The following TRRAP variants were observed in gnomAD, a reference collection of about 807,000 sequenced individuals.
TRRAP encodes the protein transformation/transcription domain associated protein.
TRRAP carries 41 observed loss-of-function variants against 438.8 expected under a neutral mutation model. That is an observed-to-expected ratio of 0.09 (90% confidence interval 0.07 to 0.12). The LOEUF (loss-of-function observed/expected upper bound fraction) is 0.12. Ranked by LOEUF, TRRAP falls within the 10% of genes least tolerant of loss-of-function variation. The probability of loss-of-function intolerance (pLI) is 1.00; values close to 1 mark genes in which losing one functional copy is unlikely to be tolerated. For missense variants in TRRAP, 3,122 were observed against 5,055.1 expected (o/e 0.62, Z 11.60); for synonymous variants, 1,994 against 1,962.9 (o/e 1.02, Z -0.42).
chr7:98,881,230 C>T lies in TRRAP; in HGVS notation c.80C>T (p.Ala27Val). Reference protein sequence around the residue: ...LMKKYLQFVAALTDVNTPDET... With the variant: ...LMKKYLQFVAVLTDVNTPDET... ...AAAAAGTACCTTCAGTTTGTGGCAGCTCTCACAGATGTGAATACACGTGAG... is the reference window on the plus strand; with the variant it reads ...AAAAAGTACCTTCAGTTTGTGGCAGTTCTCACAGATGTGAATACACGTGAG... Residue 27 changes from alanine (A) to valine (V), a missense_variant, in exon 2 of 73, where the codon GCT (alanine) becomes GTT (valine). Coordinates refer to ENST00000456197, the MANE Select transcript of TRRAP (RefSeq NM_001375524.1). 6.2e-7 allele frequency: 1 copy of T among 1,609,548 alleles called. No homozygotes were observed. The highest frequency in any genetic ancestry group is 2.2e-5 in the East Asian group (1 of 44,618).
chr7:98,999,257 G>A lies in TRRAP; in HGVS notation c.10309+4409G>A, dbSNP rs115127527. The A allele has an allele frequency of 7.7e-4, 914 of 1,180,832 alleles. 5 individuals are homozygous for A. In the African/African-American group the frequency reaches 0.012, roughly 15 times the overall value. 73.1% of individuals were successfully genotyped at this position (1,180,832 alleles called of 1,614,324 possible). On this transcript the variant is annotated intron_variant, in intron 67 of 72. Coordinates refer to ENST00000456197, the MANE Select transcript of TRRAP (RefSeq NM_001375524.1). ...ACATGCATTCACTGCCCAGCTTCTC[G>A]CAGAAACAGATGTCGTACAGGAACA...
Position 98,900,868 on chromosome 7 carries a change from A to G in TRRAP, c.897+148A>G, listed in dbSNP as rs141760568. 330 of 652,826 alleles carry G rather than the reference A, an allele frequency of 5.1e-4. 1 individual carries two copies. Among genetic ancestry groups the G allele is most frequent in the African/African-American group, 4.9e-3 (266 of 54,470 alleles). 40.4% of individuals were successfully genotyped at this position (652,826 alleles called of 1,614,324 possible). On this transcript the variant is annotated intron_variant, in intron 11 of 72. Coordinates refer to ENST00000456197, the MANE Select transcript of TRRAP (RefSeq NM_001375524.1). ...ATACGGTACATTTCCATCAACCTCC[A>G]AAATTCCATTGTTATATATTTGTTG...
chr7:98,996,551 A>C (rs1793669544), intron 67 of TRRAP, among the ~76,000 whole-genome samples: 2 of 152,248 alleles, frequency 1.3e-5, no homozygotes. Context: ...GAAAGATTAA[A>C]TCATTCACAT....
In TRRAP at chr7:98,961,494, G is replaced by A. The variant is rs553127489; in HGVS notation, c.6703+20G>A. 72 of 1,609,498 alleles carry A rather than the reference G, an allele frequency of 4.5e-5. No homozygotes were observed. In the East Asian group the frequency reaches 8.7e-4, roughly 19 times the overall value. ...AGCCGAGTATGTGACCTTTCCCACC[G>A]GTGCTTTTCTTTCAAAGTGGACGGT... is the stretch of plus-strand genomic sequence containing the variant. On this transcript the variant is annotated intron_variant, in intron 46 of 72. Transcript: ENST00000456197.
In TRRAP at chr7:98,953,277, C is replaced by G; in HGVS notation, c.5574C>G (p.Asn1858Lys). The stretch of plus-strand genomic sequence containing the variant: ...CCCCCCACCACATCCATGACAACAA[C>G]AAGAACCGCAACAGCAAGCTGCGCC... The part of the protein sequence containing the change: ...EHAPHHIHDN[N>K]KNRNSKLRRL... The change falls in exon 40 of 73, where the codon AAC (asparagine) becomes AAG (lysine). Residue 1858 changes from asparagine (N) to lysine (K), a missense_variant. This residue lies in a region of TRRAP where 272 missense variants were observed against 348.5 expected (regional missense o/e 0.78). Coordinates refer to ENST00000456197, the MANE Select transcript of TRRAP (RefSeq NM_001375524.1). 2.5e-6 allele frequency: 4 copies of G among 1,613,944 alleles called. No individual in the cohort carries two copies. Among genetic ancestry groups the G allele is most frequent in the Non-Finnish European group, 3.4e-6 (4 of 1,180,024 alleles).
chr7:99,008,660 T>C (rs1369563801), intron 70 of TRRAP, 99 bp downstream of exon 70: 14 of 1,300,664 alleles, frequency 1.1e-5, no homozygotes, highest in Middle Eastern at 2.0e-4. Flanking sequence ...GAACAGGCAT[T>C]TGTTGGGGGC....
At chr7:98,929,721 G>C (rs1790233976) in intron 23 of TRRAP, among the ~76,000 whole-genome samples, 1 of 152,010 alleles carries the variant, frequency 6.6e-6, no homozygotes, top group South Asian at 2.1e-4. Flanking sequence ...AGCCTCCTGA[G>C]TAGCTGGGAT....
chr7:98,964,909 C>A (rs1792082529), intron 48 of TRRAP, 134 bp downstream of exon 48: 3 of 1,152,928 alleles, frequency 2.6e-6, no homozygotes, highest in African/African-American at 1.6e-5. Flanking sequence ...TAAATCGTTA[C>A]CATTTGCTCT....
chr7:98,953,105 G>T, intron 39 of TRRAP, 62 bp from the exon 40 acceptor site: 2 of 1,553,954 alleles, frequency 1.3e-6, no homozygotes, highest in Non-Finnish European at 8.7e-7. Context: ...CCTGTCGTAT[G>T]ACCCTCAGTC....
intron 62 of TRRAP, among the ~76,000 whole-genome samples, chr7:98,985,971 C>A (rs956852672): frequency 1.3e-5 from 2 of 152,176 alleles, no homozygotes; most frequent in Non-Finnish European, 2.9e-5. Context: ...TTTCTCTTGA[C>A]AACTACTAAT....
At chr7:98,936,410 CT>C (rs782658413) in intron 28 of TRRAP, among the ~76,000 whole-genome samples, 3 of 152,150 alleles carry the variant, frequency 2.0e-5, no homozygotes, top group Admixed American at 6.5e-5. Flanking sequence ...GGGGTCCCTT[CT>C]TTGGGGAACT....
intron 46 of TRRAP, 61 bp from the exon 47 acceptor site, chr7:98,962,241 C>T (rs1791929983): frequency 1.2e-6 from 2 of 1,610,118 alleles, no homozygotes; most frequent in African/African-American, 1.3e-5. Context: ...CAGTCCCTGG[C>T]ATCAGCACTG....
At chr7:98,915,197 T>A (rs560268159) in intron 18 of TRRAP, among the ~76,000 whole-genome samples, 1 of 152,262 alleles carries the variant, frequency 6.6e-6, no homozygotes, top group Admixed American at 6.5e-5. Flanking sequence ...TCCTGTAGGT[T>A]ACTTTTTTTT....
chr7:98,964,600 T>A (rs1431165643), intron 47 of TRRAP, 29 bp from the exon 48 acceptor site: 1 of 1,602,496 alleles, frequency 6.2e-7, no homozygotes. Flanking sequence ...TACTTTTCTG[T>A]GAAACACTTG....
intron 51 of TRRAP, 96 bp from the exon 52 acceptor site, chr7:98,970,016 G>C (rs746822587): frequency 1.2e-5 from 17 of 1,456,578 alleles, no homozygotes; most frequent in Non-Finnish European, 1.6e-5. Flanking sequence ...TGCAGAGTCA[G>C]AGGTGCCTGA....
chr7:98,981,827 T>A lies in TRRAP; in HGVS notation c.8693T>A (p.Leu2898Gln). The A allele has an allele frequency of 1.2e-6, 2 of 1,605,264 alleles. No homozygotes were observed. Among genetic ancestry groups the A allele is most frequent in the African/African-American group, 1.3e-5 (1 of 74,916 alleles). The change falls in exon 59 of 73, where the codon CTG becomes CAG. Residue 2898 changes from leucine to glutamine, a missense_variant. Physicochemically the swap from Leu to Gln is moderately radical, Grantham distance 113. Coordinates refer to ENST00000456197, the MANE Select transcript of TRRAP (RefSeq NM_001375524.1). ...AAGGTGAACATGTACCGCGGATACC[T>A]GGCCATCTGCCACCCCGAGGAGCAG... ...AWKVNMYRGY[L>Q]AICHPEEQQL...
Position 98,950,150 on chromosome 7 carries a change from A to C in TRRAP, c.5222A>C (p.Glu1741Ala). The C allele has an allele frequency of 6.2e-7, 1 of 1,614,222 alleles. No homozygotes were observed. The highest frequency in any genetic ancestry group is 8.5e-7 in the Non-Finnish European group (1 of 1,180,026). Residue 1741 changes from glutamate (E) to alanine (A), a missense_variant, in exon 38 of 73, where the codon GAG becomes GCG. Transcript: ENST00000456197. Reference protein sequence around the residue: ...RFLCNMTFLKEYMEEEIPKNY... With the variant: ...RFLCNMTFLKAYMEEEIPKNY... ...CTCTGCAACATGACATTCTTAAAAG[A>C]GTATATGGAGGAAGAGATTCCCAAA...
chr7:98,889,597 G>A (rs1162538564), intron 3 of TRRAP, among the ~76,000 whole-genome samples: 2 of 146,522 alleles, frequency 1.4e-5, no homozygotes, highest in East Asian at 4.0e-4. Context: ...GCCTAGGCTG[G>A]TGTGCAGTGG....
In TRRAP at chr7:98,978,275, C is replaced by T. The variant is rs759735909; in HGVS notation, c.8450C>T (p.Ser2817Phe). 7 of 1,614,056 alleles carry T rather than the reference C, an allele frequency of 4.3e-6. No individual in the cohort carries two copies. Among genetic ancestry groups the T allele is most frequent in the Non-Finnish European group, 5.9e-6 (7 of 1,180,040 alleles). The change falls in exon 57 of 73, where the codon TCC becomes TTC. Residue 2817 changes from serine (S) to phenylalanine (F), a missense_variant. Around this residue, in one of 24 missense-constraint regions of TRRAP, gnomAD observed 992 missense variants for 1,281.2 expected, o/e 0.77. Transcript: ENST00000456197. Reference protein sequence around the residue: ...AKKEHERSNASPAIFPEYQLW... With the variant: ...AKKEHERSNAFPAIFPEYQLW... ...AAAGAACATGAGAGGAGTAACGCCTCCCCTGCTATTTTCCCTGAATACCAG... is the reference window on the plus strand; with the variant it reads ...AAAGAACATGAGAGGAGTAACGCCTTCCCTGCTATTTTCCCTGAATACCAG...
Sources: allele counts gnomAD v4.1 joint callset (sites outside exome capture counted in the v4.1 genomes callset), GRCh38; gene constraint gnomAD v4.1.1; regional missense constraint gnomAD v4.1.1; transcripts MANE v1.5; gene names NCBI Gene and HGNC (gene_info 2026-07-23, HGNC 2026-07-21).